ATP11B: variants seen among roughly 807,000 people sequenced by gnomAD.
The protein encoded by ATP11B is ATPase phospholipid transporting 11B (putative).
Under a neutral mutation model 157.8 loss-of-function variants are expected in ATP11B, and 81 were observed. The observed-to-expected ratio is 0.51, with a 90% CI of 0.43 to 0.62. The LOEUF (loss-of-function observed/expected upper bound fraction) is 0.62, where lower values mean the gene tolerates loss of function less well. Ranked by LOEUF, ATP11B falls within the 20% of genes least tolerant of loss-of-function variation. The pLI is 0.00. For synonymous variants in ATP11B, 451 were observed against 469.4 expected (o/e 0.96, Z 0.51); for missense variants, 1,165 against 1,402.2 (o/e 0.83, Z 2.70).
chr3:182,871,062 G>T (rs1721626123), intron 17 of ATP11B, among the ~76,000 whole-genome samples: 1 of 152,220 alleles, frequency 6.6e-6, no homozygotes, highest in African/African-American at 2.4e-5. Context: ...AGCACTTTGG[G>T]ATGCTGAGGC....
chr3:182,864,531 C>T (rs1249399144), intron 12 of ATP11B, among the ~76,000 whole-genome samples: 2 of 151,982 alleles, frequency 1.3e-5, no homozygotes, highest in Non-Finnish European at 1.5e-5. Flanking sequence ...AAAATGAAGG[C>T]CAGGTACCAT....
intron 21 of ATP11B, among the ~76,000 whole-genome samples, chr3:182,883,823 C>T (rs1302635560): frequency 1.3e-5 from 2 of 149,016 alleles, no homozygotes; most frequent in African/African-American, 4.9e-5. Flanking sequence ...GGCGTAGTGG[C>T]GGGCGCCTGT....
chr3:182,885,433 A>G (rs1297343933), intron 22 of ATP11B, among the ~76,000 whole-genome samples: 2 of 152,176 alleles, frequency 1.3e-5, no homozygotes, highest in African/African-American at 4.8e-5. Flanking sequence ...TCTATAATTG[A>G]TAACTACAAT....
chr3:182,911,039 G>C (rs1425096106), intron 28 of ATP11B, among the ~76,000 whole-genome samples: 2 of 152,072 alleles, frequency 1.3e-5, no homozygotes, highest in African/African-American at 4.8e-5. Context: ...TATTCTCACA[G>C]ATTAGAAATG....
chr3:182,852,063 T>C (rs1720020196), intron 10 of ATP11B, among the ~76,000 whole-genome samples: 1 of 152,210 alleles, frequency 6.6e-6, no homozygotes, highest in Non-Finnish European at 1.5e-5. Context: ...TCCCAAAAGA[T>C]TGAAATCATA....
intron 4 of ATP11B, among the ~76,000 whole-genome samples, chr3:182,830,420 A>G (rs1384196824): frequency 1.3e-5 from 2 of 152,198 alleles, no homozygotes; most frequent in Non-Finnish European, 2.9e-5. Flanking sequence ...AAATATTTTC[A>G]ATCAGAGCAT....
chr3:182,905,181 G>C (rs1252834303), intron 28 of ATP11B, among the ~76,000 whole-genome samples: 1 of 152,040 alleles, frequency 6.6e-6, no homozygotes, highest in Non-Finnish European at 1.5e-5. Flanking sequence ...TATTCATTAA[G>C]GACATTGTCT....
At chr3:182,832,505 T>C (rs1317826765) in intron 4 of ATP11B, among the ~76,000 whole-genome samples, 1 of 152,220 alleles carries the variant, frequency 6.6e-6, no homozygotes, top group Non-Finnish European at 1.5e-5. Context: ...TGTAGATCAA[T>C]AGAACAAATT....
chr3:182,911,387 T>C (rs1724784472), intron 28 of ATP11B, among the ~76,000 whole-genome samples: 1 of 150,816 alleles, frequency 6.6e-6, no homozygotes, highest in Admixed American at 6.6e-5. Context: ...CCCTCCTGTT[T>C]TCTGAGTAGT....
intron 28 of ATP11B, among the ~76,000 whole-genome samples, chr3:182,907,802 C>T (rs1724479802): frequency 6.6e-6 from 1 of 152,120 alleles, no homozygotes; most frequent in Non-Finnish European, 1.5e-5. Flanking sequence ...CATTTAAGTT[C>T]TAGTGGATAT....
rs531291751 is a variant in ATP11B, at chr3:182,899,483, C to T, written c.3318+711C>T. Among the ~76,000 whole-genome samples, 5 of 151,766 alleles carry T rather than the reference C, an allele frequency of 3.3e-5. No homozygotes were observed. In the South Asian group the frequency reaches 8.3e-4, roughly 25 times the overall value. ...ATTTTTTCTGATTATATTATTTTCA[C>T]CAAAAAAGTATGAAATGAATTATTT... On this transcript the variant is annotated intron_variant, in intron 28 of 29. Transcript: ENST00000323116.
chr3:182,913,773 G>C lies in ATP11B; in HGVS notation c.3319-88G>C, dbSNP rs188563099. ...ATGTAGGTTTATATATGTTACCTTT[G>C]ATTTGAAAGTGCTTGTTGTAATGTT... On this transcript the variant is annotated intron_variant, in intron 28 of 29. Transcript: ENST00000323116. The C allele has an allele frequency of 9.3e-5, 149 of 1,597,752 alleles. No homozygotes were observed. The African/African-American group carries it at 1.9e-3, about 20-fold the overall frequency.
chr3:182,913,762 A>G, intron 28 of ATP11B, 99 bp from the exon 29 acceptor site: 1 of 1,585,722 alleles, frequency 6.3e-7, no homozygotes, highest in Non-Finnish European at 8.6e-7. Flanking sequence ...AGGTTTATAT[A>G]TGTTACCTTT....
At chr3:182,839,844 C>T (rs1294685549) in intron 7 of ATP11B, among the ~76,000 whole-genome samples, 1 of 152,116 alleles carries the variant, frequency 6.6e-6, no homozygotes, top group Non-Finnish European at 1.5e-5. Flanking sequence ...AACTCCTGAC[C>T]TCAAGTGATC....
In ATP11B at chr3:182,845,459, C is replaced by G; in HGVS notation, c.706C>G (p.Pro236Ala). Residue 236 changes from proline to alanine, a missense_variant and splice_region_variant, in exon 9 of 30, where the codon CCT (proline) becomes GCT (alanine). This residue lies in a region of ATP11B where 737 missense variants were observed against 930.5 expected (regional missense o/e 0.79). Transcript: ENST00000323116. ...ITQQMEEIVR[P>A]LGPESLLLRG... ...ATGGTTATTTTCTTTTTTTCCTAGA[C>G]CTCTGGGGCCGGAGAGTCTCCTGCT... 1 of 1,593,032 alleles carries G rather than the reference C, an allele frequency of 6.3e-7. No individual in the cohort carries two copies. The highest frequency in any genetic ancestry group is 8.5e-7 in the Non-Finnish European group (1 of 1,174,996).
At chr3:182,883,954 C>CAAA (rs1170838231) in intron 21 of ATP11B, among the ~76,000 whole-genome samples, 34 of 63,278 alleles carry the variant, frequency 5.4e-4, no homozygotes, top group Middle Eastern at 9.4e-3. Flanking sequence ...GACTCCGTCT[C>CAAA]AAAAAAAAAA....
chr3:182,853,322 C>T (rs1467435615), intron 10 of ATP11B, among the ~76,000 whole-genome samples: 3 of 152,224 alleles, frequency 2.0e-5, no homozygotes, highest in African/African-American at 7.2e-5. Flanking sequence ...ATTCTTTTGC[C>T]TCAGCCTCCC....
intron 12 of ATP11B, among the ~76,000 whole-genome samples, chr3:182,862,255 G>T (rs1720898533): frequency 6.6e-6 from 1 of 151,548 alleles, no homozygotes; most frequent in Non-Finnish European, 1.5e-5. Context: ...ACTCCAACCT[G>T]GGTGACAAGA....
In ATP11B at chr3:182,879,544, C is replaced by T. The variant is rs1452673695; in HGVS notation, c.2301C>T (p.Thr767=). 8.1e-6 allele frequency: 13 copies of T among 1,613,806 alleles called. No homozygotes were observed. Among genetic ancestry groups the T allele is most frequent in the Middle Eastern group, 3.3e-4 (2 of 6,056 alleles). ...AGCATGGGCTGGTAGTGGATGGGAC[C>T]AGCCTATCTCTTGCACTCAGGGAGC... The part of the protein sequence containing the change: ...VIQHGLVVDG[T]SLSLALREHE... Residue 767 remains threonine (T), a synonymous_variant, in exon 20 of 30, where the codon ACC becomes ACT. Coordinates refer to ENST00000323116, the MANE Select transcript of ATP11B (RefSeq NM_014616.3).
Sources: gnomAD v4.1 joint callset for allele counts (sites outside exome capture counted in the v4.1 genomes callset) on GRCh38, gnomAD v4.1.1 for gene constraint, gnomAD v4.1.1 regional missense constraint, MANE v1.5 for transcripts, NCBI Gene and HGNC (gene_info 2026-07-23, HGNC 2026-07-21) for gene names.